The following FRAS1 variants were observed in gnomAD, a reference collection of about 807,000 sequenced individuals.
FRAS1 encodes extracellular matrix organizing protein FRAS1.
In FRAS1, 290 loss-of-function variants were observed where a neutral mutation model predicts 435.2. That is an observed-to-expected ratio of 0.67 (90% confidence interval 0.61 to 0.73). FRAS1 has a LOEUF of 0.73. Among genes scored for constraint, FRAS1 ranks in the 30% least tolerant of loss-of-function variants. FRAS1 has a pLI of 0.00. For synonymous variants in FRAS1, 1,800 were observed against 1,851.0 expected (o/e 0.97, Z 0.71); for missense variants, 4,860 against 5,001.5 (o/e 0.97, Z 0.85).
chr4:78,194,325 C>T (rs1278014207), intron 2 of FRAS1, among the ~76,000 whole-genome samples: 1 of 152,148 alleles, frequency 6.6e-6, no homozygotes. Context: ...GCCTGCCTTG[C>T]TAGATTGGGG....
intron 2 of FRAS1, among the ~76,000 whole-genome samples, chr4:78,146,367 T>A (rs1720421418): frequency 6.6e-6 from 1 of 152,200 alleles, no homozygotes. Context: ...ATATTGATTT[T>A]CATAGATGGC....
intron 2 of FRAS1, among the ~76,000 whole-genome samples, chr4:78,117,100 G>T (rs951295153): frequency 6.6e-6 from 1 of 152,140 alleles, no homozygotes; most frequent in South Asian, 2.1e-4. Context: ...AGCTTAGTTT[G>T]TCTGGATTTG....
intron 42 of FRAS1, 107 bp from the exon 43 acceptor site, chr4:78,446,620 T>C: frequency 6.9e-7 from 1 of 1,444,900 alleles, no homozygotes; most frequent in Non-Finnish European, 9.0e-7. Context: ...CATTAAATGC[T>C]ATTTTGAGGT....
intron 67 of FRAS1, among the ~76,000 whole-genome samples, chr4:78,520,554 G>A (rs986362811): frequency 3.3e-5 from 5 of 152,076 alleles, no homozygotes; most frequent in African/African-American, 1.2e-4. Flanking sequence ...ATAAAATGGT[G>A]TAGTATTTAC....
rs779649683 is a variant in FRAS1, at chr4:78,482,514, A to G, written c.8731A>G (p.Ile2911Val). 18 of 1,613,736 alleles carry G rather than the reference A, an allele frequency of 1.1e-5. No homozygotes were observed. The highest frequency in any genetic ancestry group is 2.2e-5 in the East Asian group (1 of 44,888). The part of the protein sequence containing the change: ...LTKPFQAVIA[I>V]NDTFQDVPSM... ...CAAACCCTTCCAGGCAGTCATTGCA[A>G]TTAATGACACATTCCAAGATGGTAA... The change falls in exon 58 of 74, where the codon ATT becomes GTT. Residue 2911 changes from isoleucine to valine, a missense_variant. Ile to Val is a conservative substitution (Grantham distance 29). Transcript: ENST00000512123.
chr4:78,424,492 C>A, intron 35 of FRAS1, 72 bp downstream of exon 35: 1 of 688,352 alleles, frequency 1.5e-6, no homozygotes, highest in Non-Finnish European at 2.3e-6. Flanking sequence ...TTTTTGTTCC[C>A]ATCATCATTA....
At chr4:78,301,027 AC>A (rs1465733056) in intron 14 of FRAS1, among the ~76,000 whole-genome samples, 1 of 152,208 alleles carries the variant, frequency 6.6e-6, no homozygotes, top group African/African-American at 2.4e-5. Flanking sequence ...TGAAATTAGG[AC>A]TTGCTTGTGC....
intron 72 of FRAS1, among the ~76,000 whole-genome samples, chr4:78,537,854 G>C (rs535945784): frequency 1.4e-4 from 21 of 150,024 alleles, no homozygotes; most frequent in Admixed American, 1.0e-3. Flanking sequence ...GCTGAGGTGA[G>C]AAAATCACTT....
rs1374024087 is a variant in FRAS1 at position 78,282,913 on chromosome 4, G to C, written c.1201G>C (p.Val401Leu). ...CGAGCCCTCTTGCCCACCATGTCCAGTGGGCACACTGGCCTTAGAGGTGAA... is the reference window on the plus strand; with the variant it reads ...CGAGCCCTCTTGCCCACCATGTCCACTGGGCACACTGGCCTTAGAGGTGAA... Reference protein sequence around the residue: ...CYEPSCPPCPVGTLALEVKGQ... With the variant: ...CYEPSCPPCPLGTLALEVKGQ... Residue 401 changes from valine (V) to leucine (L), a missense_variant, in exon 12 of 74, where the codon GTG becomes CTG. By Grantham distance (32) the Val-to-Leu change is conservative. Coordinates refer to ENST00000512123, the MANE Select transcript of FRAS1 (RefSeq NM_025074.7). 6.2e-7 allele frequency: 1 copy of C among 1,611,430 alleles called. No homozygotes were observed. The highest frequency in any genetic ancestry group is 1.7e-5 in the Admixed American group (1 of 59,830).
At chr4:78,371,552 A>T (rs59794719) in intron 23 of FRAS1, among the ~76,000 whole-genome samples, 25,551 of 152,174 alleles carry the variant, frequency 0.17, 2,750 homozygotes, top group East Asian at 0.33. Flanking sequence ...TCTTCTTAAC[A>T]TTATGAAATG....
chr4:78,533,389 C>A (rs1390745), intron 70 of FRAS1, among the ~76,000 whole-genome samples: 7 of 152,140 alleles, frequency 4.6e-5, no homozygotes, highest in African/African-American at 4.8e-5. Flanking sequence ...GGTCCAGAGA[C>A]TGAAAGAAGG....
Position 78,400,737 on chromosome 4 carries a change from G to A in FRAS1, c.3979G>A (p.Asp1327Asn). ...LFQVKTVPQN[D>N]RGLQLVANSM... ...CTGCATTTTATTTTTATTTCAGAAT[G>A]ACAGGGGTCTTCAGCTTGTGGCTAA... Residue 1327 changes from aspartate (D) to asparagine (N), a missense_variant, in exon 30 of 74, where the codon GAC becomes AAC. By Grantham distance (23) the Asp-to-Asn change is conservative. Coordinates refer to ENST00000512123, the MANE Select transcript of FRAS1 (RefSeq NM_025074.7). 6.2e-7 allele frequency: 1 copy of A among 1,611,994 alleles called. No individual in the cohort carries two copies. Among genetic ancestry groups the A allele is most frequent in the African/African-American group, 1.3e-5 (1 of 74,856 alleles).
chr4:78,470,338 T>C (rs982105096), intron 51 of FRAS1, among the ~76,000 whole-genome samples: 1 of 152,204 alleles, frequency 6.6e-6, no homozygotes, highest in African/African-American at 2.4e-5. Context: ...TCAAGCTAGA[T>C]AGAAGTTTAT....
intron 15 of FRAS1, among the ~76,000 whole-genome samples, chr4:78,311,108 A>G (rs1046700368): frequency 6.6e-6 from 1 of 152,230 alleles, no homozygotes; most frequent in African/African-American, 2.4e-5. Context: ...TGCAGCTAAC[A>G]TAATAAATCA....
rs1718982232 is a variant in FRAS1, at chr4:78,450,298, A to G, written c.6422A>G (p.Lys2141Arg). Residue 2141 changes from lysine to arginine, a missense_variant, in exon 45 of 74, where the codon AAA becomes AGA. Transcript: ENST00000512123. ...KHGNLEQISI[K>R]GPIRSFTQAD... ...GGCAACCTGGAGCAAATTTCTATTAAAGGCCCCATCCGAAGTTTCACCCAG... is the reference window on the plus strand; with the variant it reads ...GGCAACCTGGAGCAAATTTCTATTAGAGGCCCCATCCGAAGTTTCACCCAG... 6.2e-7 allele frequency: 1 copy of G among 1,613,744 alleles called. No homozygotes were observed.
chr4:78,232,609 T>A (rs1724564168), intron 2 of FRAS1, among the ~76,000 whole-genome samples: 4 of 152,090 alleles, frequency 2.6e-5, no homozygotes, highest in Admixed American at 2.0e-4. Flanking sequence ...TTTTGATAGG[T>A]CCAATACCTA....
intron 20 of FRAS1, among the ~76,000 whole-genome samples, chr4:78,355,159 TGCATTTATTTCAGCTGGA>T (rs1392857069): frequency 2.0e-5 from 3 of 152,108 alleles, no homozygotes; most frequent in African/African-American, 7.2e-5. Context: ...AAACAATAAA[TGCATTTATTTCAGCTGGA>T]GCTAATACTC....
intron 59 of FRAS1, among the ~76,000 whole-genome samples, chr4:78,491,720 T>C (rs568727755): frequency 1.2e-4 from 18 of 152,082 alleles, no homozygotes; most frequent in Non-Finnish European, 1.9e-4. Flanking sequence ...AAGCTGGAAG[T>C]ATTCCCTTTG....
At chr4:78,418,890 TGCC>T in intron 32 of FRAS1, 56 bp from the exon 33 acceptor site, 3 of 1,021,974 alleles carry the variant, frequency 2.9e-6, no homozygotes, top group Admixed American at 2.2e-5. Flanking sequence ...GGTCTGTTTT[TGCC>T]TCTGGCTTTT....
Sources: gnomAD v4.1 joint callset for allele counts (sites outside exome capture counted in the v4.1 genomes callset) on GRCh38, gnomAD v4.1.1 for gene constraint, MANE v1.5 for transcripts, NCBI Gene and HGNC (gene_info 2026-07-23, HGNC 2026-07-21) for gene names.